Variants in KIAA0319 observed in about 807,000 individuals in gnomAD.
KIAA0319 encodes the protein dyslexia-associated protein KIAA0319.
Under a neutral mutation model 108.4 loss-of-function variants are expected in KIAA0319, and 83 were observed. The ratio of observed to expected loss-of-function variants is 0.77; its 90% CI spans 0.64 to 0.92. The LOEUF is 0.92. Among genes scored for constraint, KIAA0319 ranks in the 40% least tolerant of loss-of-function variants. The pLI is 0.00. For missense variants in KIAA0319, 1,195 were observed against 1,322.4 expected (o/e 0.90, Z 1.49); for synonymous variants, 484 against 510.4 (o/e 0.95, Z 0.70).
intron 10 of KIAA0319, among the ~76,000 whole-genome samples, chr6:24,575,469 T>C (rs759889491): frequency 5.1e-4 from 77 of 152,152 alleles, no homozygotes; most frequent in Non-Finnish European, 8.5e-4. Context: ...GAAGCAAACA[T>C]AGCACTTGCT....
At position 24,599,558 on chromosome 6, in the gene KIAA0319, G is replaced by A. The variant is rs1443755988; in HGVS notation, c.55+1491C>T. The A allele has an allele frequency of 1.0e-5, 6 of 587,658 alleles. No homozygotes were observed. The allele number at this position is 587,658 out of a possible 1,614,324, so 36.4% of individuals were successfully genotyped here. On this transcript the variant is annotated intron_variant, in intron 2 of 20. Transcript: ENST00000378214. The surrounding 1 kb of genome is among the most constrained non-coding windows in gnomAD (Gnocchi z 4.1). The stretch of plus-strand genomic sequence containing the variant: ...TGCTGGAGGGCGAGGAGAGCTGGCT[G>A]GAGTCTGGGATGCAGAACATGAATA...
intron 2 of KIAA0319, among the ~76,000 whole-genome samples, 165 bp downstream of exon 2, chr6:24,600,884 G>A (rs562293911): frequency 2.6e-4 from 39 of 151,514 alleles, no homozygotes; most frequent in Non-Finnish European, 4.0e-4. Context: ...TCCTGTTTAC[G>A]GAAAACCACT....
chr6:24,540,302 C>T (rs776548290), downstream of KIAA0319, among the ~76,000 whole-genome samples: 3 of 152,206 alleles, frequency 2.0e-5, no homozygotes, highest in African/African-American at 4.8e-5. Flanking sequence ...AGCATCACCA[C>T]AAACATGATT....
At chr6:24,642,489 G>T (rs1777094863) in intron 1 of KIAA0319, among the ~76,000 whole-genome samples, 1 of 152,136 alleles carries the variant, frequency 6.6e-6, no homozygotes, top group Admixed American at 6.5e-5. Flanking sequence ...GGAAGGGACA[G>T]CCCATACTTC....
intron 8 of KIAA0319, 61 bp downstream of exon 8, chr6:24,579,797 C>T: frequency 7.6e-7 from 1 of 1,314,038 alleles, no homozygotes; most frequent in South Asian, 1.3e-5. Context: ...GCAGAGCACT[C>T]ATTACATTTC....
At chr6:24,569,169 T>C (rs1042501641) in intron 12 of KIAA0319, among the ~76,000 whole-genome samples, 6 of 152,212 alleles carry the variant, frequency 3.9e-5, no homozygotes, top group Non-Finnish European at 8.8e-5. Flanking sequence ...TCGATTTTTT[T>C]AAGTCAAGCT....
chr6:24,554,027 G>A (rs565109046), intron 19 of KIAA0319, among the ~76,000 whole-genome samples: 6 of 152,346 alleles, frequency 3.9e-5, no homozygotes, highest in African/African-American at 1.4e-4. Context: ...TCAGTCAGAA[G>A]CCCAGGTAAA....
chr6:24,640,075 ATTTT>A (rs954699377), intron 1 of KIAA0319, among the ~76,000 whole-genome samples: 1 of 151,418 alleles, frequency 6.6e-6, no homozygotes, highest in Admixed American at 6.6e-5. Context: ...AAAGGCTGCA[ATTTT>A]TTTTTATTGA....
Position 24,595,885 on chromosome 6 carries a change from G to T in KIAA0319, c.789C>A (p.Ser263Arg). The T allele has an allele frequency of 6.2e-7, 1 of 1,601,222 alleles. No individual in the cohort carries two copies. Residue 263 changes from serine to arginine, a missense_variant, in exon 3 of 21, where the codon AGC (serine) becomes AGA (arginine). Transcript: ENST00000378214. ...ASQLQEQSSNSSGKEVLMPSH... is the reference protein window; with the variant it reads ...ASQLQEQSSNRSGKEVLMPSH... ...TGAACACACTCACCTCTTTTCCAGA[G>T]CTGTTGCTGGATTGTTCCTGGAGCT...
intron 1 of KIAA0319, among the ~76,000 whole-genome samples, chr6:24,602,652 T>A (rs1770810823): frequency 6.6e-6 from 1 of 151,912 alleles, no homozygotes; most frequent in Non-Finnish European, 1.5e-5. Context: ...TACAAAAAAA[T>A]TAGCTGGGCG....
At chr6:24,618,669 G>C (rs1773494533) in intron 1 of KIAA0319, among the ~76,000 whole-genome samples, 1 of 151,316 alleles carries the variant, frequency 6.6e-6, no homozygotes, top group Non-Finnish European at 1.5e-5. Context: ...AAAACACACA[G>C]GCAACACAAA....
chr6:24,555,566 C>G (rs1428954038), intron 18 of KIAA0319, among the ~76,000 whole-genome samples: 3 of 150,798 alleles, frequency 2.0e-5, no homozygotes, highest in African/African-American at 7.3e-5. Flanking sequence ...AATAATGATC[C>G]AAGGGCTGGC....
At chr6:24,560,807 A>G (rs1362846401) in intron 16 of KIAA0319, among the ~76,000 whole-genome samples, 2 of 152,242 alleles carry the variant, frequency 1.3e-5, no homozygotes, top group East Asian at 3.8e-4. Flanking sequence ...CTACTCCAGT[A>G]TAACTTCTTA....
intron 1 of KIAA0319, among the ~76,000 whole-genome samples, chr6:24,608,788 G>A (rs997470106): frequency 4.0e-5 from 6 of 151,758 alleles, no homozygotes; most frequent in African/African-American, 1.2e-4. Context: ...AAAATTAGTC[G>A]GGCATGGTGG....
chr6:24,586,107 A>C (rs1767448768), intron 4 of KIAA0319, among the ~76,000 whole-genome samples: 1 of 152,082 alleles, frequency 6.6e-6, no homozygotes, highest in African/African-American at 2.4e-5. Context: ...AAAAAAAAAC[A>C]AGCTGTACCC....
In KIAA0319 at chr6:24,569,899, C is replaced by T; in HGVS notation, c.1991+4G>A. On this transcript the variant is annotated splice_donor_region_variant and intron_variant, in intron 12 of 20. Coordinates refer to ENST00000378214, the MANE Select transcript of KIAA0319 (RefSeq NM_014809.4). ...GAACCTAGCTCAGTGGCGAGACAGACTACCTGACGTGCTCCCAGTGGTAGA... is the reference window on the plus strand; with the variant it reads ...GAACCTAGCTCAGTGGCGAGACAGATTACCTGACGTGCTCCCAGTGGTAGA... 6.2e-7 allele frequency: 1 copy of T among 1,613,934 alleles called. No individual in the cohort carries two copies. Among genetic ancestry groups the T allele is most frequent in the Non-Finnish European group, 8.5e-7 (1 of 1,179,854 alleles).
Position 24,554,534 on chromosome 6 carries a change from T to C in KIAA0319, c.2948+7A>G, listed in dbSNP as rs2243831. The C allele has an allele frequency of 0.24, 381,166 of 1,602,474 alleles. 49,458 individuals carry two copies. The highest frequency in any genetic ancestry group is 0.5 in the African/African-American group (37,477 of 74,586). On this transcript the variant is annotated splice_region_variant and intron_variant, in intron 19 of 20. Transcript: ENST00000378214. ...CTCTATTTCCCAGGAATAAGCACTC[T>C]AGGTACCTTTTGCAGCAGCAGATGC...
chr6:24,624,021 T>G (rs1223212529), intron 1 of KIAA0319, among the ~76,000 whole-genome samples: 1 of 124,794 alleles, frequency 8.0e-6, no homozygotes, highest in Non-Finnish European at 1.7e-5. Flanking sequence ...TGTTTTCTTT[T>G]TTTTTTTTTT....
intron 1 of KIAA0319, among the ~76,000 whole-genome samples, chr6:24,643,116 T>C (rs565806603): frequency 6.6e-6 from 1 of 152,318 alleles, no homozygotes; most frequent in South Asian, 2.1e-4. Context: ...TGAACACTAT[T>C]ATCTTTACCT....
Sources: gnomAD v4.1 joint callset for allele counts (sites outside exome capture counted in the v4.1 genomes callset) on GRCh38, gnomAD v4.1.1 for gene constraint, Gnocchi (gnomAD v3.1) non-coding constraint, MANE v1.5 for transcripts, NCBI Gene and HGNC (gene_info 2026-07-23, HGNC 2026-07-21) for gene names.